Variants in ADGRL3 observed in about 807,000 individuals in gnomAD.
The protein encoded by ADGRL3 is adhesion G protein-coupled receptor L3, also known as calcium-independent alpha-latrotoxin receptor 3.
ADGRL3 carries 62 observed loss-of-function variants against 153.5 expected under a neutral mutation model. That is an observed-to-expected ratio of 0.40 (90% CI 0.33 to 0.50). The LOEUF is 0.50. Among genes scored for constraint, ADGRL3 ranks in the 20% least tolerant of loss-of-function variants. The probability of loss-of-function intolerance (pLI) is 0.47; values close to 1 mark genes in which losing one functional copy is unlikely to be tolerated. For synonymous variants in ADGRL3, 710 were observed against 672.5 expected (o/e 1.06, Z -0.86); for missense variants, 1,641 against 1,859.4 (o/e 0.88, Z 2.16).
chr4:61,596,133 T>G (rs2098988182), intron 5 of ADGRL3, among the ~76,000 whole-genome samples: 1 of 152,172 alleles, frequency 6.6e-6, no homozygotes, highest in Non-Finnish European at 1.5e-5. Context: ...TGATTGCTCA[T>G]CTGATTTTTG....
chr4:61,855,349 T>C (rs1429373764), intron 9 of ADGRL3, among the ~76,000 whole-genome samples: 1 of 152,156 alleles, frequency 6.6e-6, no homozygotes, highest in South Asian at 2.1e-4. Flanking sequence ...AAATATCAGA[T>C]TCATGTAGTT....
intron 21 of ADGRL3, among the ~76,000 whole-genome samples, chr4:62,021,306 C>T (rs2099237134): frequency 6.6e-6 from 1 of 152,020 alleles, no homozygotes; most frequent in African/African-American, 2.4e-5. Context: ...GCATGTATCC[C>T]CACTTCACAG....
intron 1 of ADGRL3, among the ~76,000 whole-genome samples, chr4:61,338,008 A>G (rs912511074): frequency 1.2e-4 from 19 of 152,208 alleles, no homozygotes; most frequent in Admixed American, 3.3e-4. Context: ...CACACCTGTA[A>G]TCCCCCAGCA....
intron 4 of ADGRL3, among the ~76,000 whole-genome samples, chr4:61,573,063 C>T (rs2098845490): frequency 6.6e-6 from 1 of 151,874 alleles, no homozygotes; most frequent in Admixed American, 6.6e-5. Flanking sequence ...CTTATTAGCA[C>T]AGAAAGCTAG....
intron 9 of ADGRL3, among the ~76,000 whole-genome samples, chr4:61,823,295 A>G (rs2148757235): frequency 6.6e-6 from 1 of 152,320 alleles, no homozygotes; most frequent in African/African-American, 2.4e-5. Context: ...AAATATCACA[A>G]GTTTTGACAG....
chr4:61,950,551 G>A (rs2098943138), intron 17 of ADGRL3, among the ~76,000 whole-genome samples: 1 of 152,156 alleles, frequency 6.6e-6, no homozygotes, highest in Non-Finnish European at 1.5e-5. Flanking sequence ...TTAAGTCAAA[G>A]TAAAAACAGA....
chr4:61,614,874 T>C (rs553072236), intron 5 of ADGRL3, among the ~76,000 whole-genome samples: 1 of 152,286 alleles, frequency 6.6e-6, no homozygotes, highest in East Asian at 1.9e-4. Flanking sequence ...ATATCAGCTC[T>C]ATGAGCATAG....
At position 61,373,089 on chromosome 4, in the gene ADGRL3, G is replaced by A. The variant is rs138810989; in HGVS notation, c.-239-10035G>A. Reference sequence around the variant, plus strand: ...GCAATGCCTCGCCCTGCTTCGGCTCGTGCAGGGTGCGCACACTCACTGACC... The same window carrying A: ...GCAATGCCTCGCCCTGCTTCGGCTCATGCAGGGTGCGCACACTCACTGACC... On this transcript the variant is annotated intron_variant, in intron 1 of 26. Transcript: ENST00000683033. Among the ~76,000 whole-genome samples, 938 of 152,138 alleles carry A rather than the reference G, an allele frequency of 6.2e-3. 9 individuals carry two copies. The highest frequency in any genetic ancestry group is 0.02 in the African/African-American group (850 of 41,492).
intron 3 of ADGRL3, among the ~76,000 whole-genome samples, chr4:61,516,765 C>A (rs1025510409): frequency 6.6e-6 from 1 of 151,946 alleles, no homozygotes; most frequent in African/African-American, 2.4e-5. Context: ...AGTTAAATGA[C>A]CTGAAAACAT....
intron 2 of ADGRL3, among the ~76,000 whole-genome samples, chr4:61,415,986 C>G (rs965039445): frequency 2.0e-5 from 3 of 151,954 alleles, no homozygotes; most frequent in Admixed American, 6.6e-5. Flanking sequence ...AAAAGGCTAC[C>G]TTTTTCTCCA....
At chr4:61,632,936 A>G (rs1171062531) in intron 5 of ADGRL3, among the ~76,000 whole-genome samples, 3 of 152,192 alleles carry the variant, frequency 2.0e-5, no homozygotes, top group Non-Finnish European at 4.4e-5. Context: ...TTTAAAGCTT[A>G]GAGCTTCCCA....
At chr4:61,419,626 C>G (rs2097179712) in intron 2 of ADGRL3, among the ~76,000 whole-genome samples, 2 of 152,164 alleles carry the variant, frequency 1.3e-5, no homozygotes. Flanking sequence ...ACAGTGGCCC[C>G]TGGAAATCAA....
chr4:61,233,879 A>G (rs2149227394), intron 1 of ADGRL3, among the ~76,000 whole-genome samples: 1 of 152,284 alleles, frequency 6.6e-6, no homozygotes, highest in African/African-American at 2.4e-5. Flanking sequence ...TCAGTAATCT[A>G]TGACTAAATT....
chr4:61,438,928 C>T (rs1386794538), intron 2 of ADGRL3, among the ~76,000 whole-genome samples: 1 of 151,876 alleles, frequency 6.6e-6, no homozygotes, highest in African/African-American at 2.4e-5. Flanking sequence ...AGGATGGTCT[C>T]GATCGCCTGA....
At chr4:61,902,239 A>C (rs914729905) in intron 11 of ADGRL3, among the ~76,000 whole-genome samples, 1 of 152,226 alleles carries the variant, frequency 6.6e-6, no homozygotes, top group East Asian at 1.9e-4. Flanking sequence ...ACCACCGTGG[A>C]GTTAGGAAAA....
At chr4:61,856,470 TTTTC>T (rs1248150206) in intron 9 of ADGRL3, among the ~76,000 whole-genome samples, 5 of 150,500 alleles carry the variant, frequency 3.3e-5, no homozygotes, top group African/African-American at 1.2e-4. Context: ...TTTTCTTTTC[TTTTC>T]TTTTTTATTT....
intron 4 of ADGRL3, among the ~76,000 whole-genome samples, chr4:61,556,138 G>T (rs1272012981): frequency 1.3e-5 from 2 of 152,138 alleles, no homozygotes; most frequent in Non-Finnish European, 2.9e-5. Context: ...AGAGAGAATA[G>T]AAGTATGAAA....
chr4:61,605,457 A>G (rs1206662364), intron 5 of ADGRL3, among the ~76,000 whole-genome samples: 2 of 152,212 alleles, frequency 1.3e-5, no homozygotes, highest in Admixed American at 1.3e-4. Flanking sequence ...ATAATACTAA[A>G]TAGATAATGT....
At chr4:61,225,266 A>G (rs544206906) in intron 1 of ADGRL3, among the ~76,000 whole-genome samples, 1 of 152,224 alleles carries the variant, frequency 6.6e-6, no homozygotes, top group African/African-American at 2.4e-5. Context: ...GTTGTTACCT[A>G]TGCCGCTTCC....
Sources: allele counts gnomAD v4.1 joint callset (sites outside exome capture counted in the v4.1 genomes callset), GRCh38; gene constraint gnomAD v4.1.1; transcripts MANE v1.5; gene names NCBI Gene and HGNC (gene_info 2026-07-23, HGNC 2026-07-21).